The following GRIK4 variants were observed in gnomAD, a reference collection of about 807,000 sequenced individuals.
GRIK4 encodes the protein glutamate receptor ionotropic, kainate 4.
Under a neutral mutation model 104.9 loss-of-function variants are expected in GRIK4, and 40 were observed. That is an observed-to-expected ratio of 0.38 (90% CI 0.30 to 0.50). The LOEUF (loss-of-function observed/expected upper bound fraction) is 0.50. Among genes scored for constraint, GRIK4 ranks in the 20% least tolerant of loss-of-function variants. GRIK4 has a pLI of 0.93. For synonymous variants in GRIK4, 485 were observed against 524.9 expected, an observed-to-expected ratio of 0.92 and a Z score of 1.04; for missense variants, 1,047 against 1,308.1, an observed-to-expected ratio of 0.80 and a Z score of 3.08.
At chr11:120,683,228 G>T (rs35407634) in intron 3 of GRIK4, among the ~76,000 whole-genome samples, 47,714 of 151,790 alleles carry the variant, frequency 0.31, 8,201 homozygotes, top group East Asian at 0.39. Context: ...GATGATGTTG[G>T]CTTGGAGGGT....
At chr11:120,929,445 A>G (rs1943433159) in intron 13 of GRIK4, among the ~76,000 whole-genome samples, 1 of 152,034 alleles carries the variant, frequency 6.6e-6, no homozygotes, top group African/African-American at 2.4e-5. Context: ...TGGGCATCTC[A>G]ATAGGTGCGG....
chr11:120,813,591 A>G (rs1952872817), intron 4 of GRIK4, among the ~76,000 whole-genome samples: 2 of 152,188 alleles, frequency 1.3e-5, no homozygotes, highest in South Asian at 4.1e-4. Context: ...AGAAGACTCC[A>G]AGATCTATAG....
chr11:120,538,165 G>A (rs1475134264), intron 1 of GRIK4, among the ~76,000 whole-genome samples: 10 of 152,222 alleles, frequency 6.6e-5, no homozygotes, highest in East Asian at 3.8e-4. Flanking sequence ...GGAGCGGCAC[G>A]CATCCCATCC....
intron 1 of GRIK4, among the ~76,000 whole-genome samples, chr11:120,533,216 G>A (rs919871801): frequency 6.6e-6 from 1 of 152,188 alleles, no homozygotes; most frequent in African/African-American, 2.4e-5. Context: ...AGAGGGAAAA[G>A]CACATGTCAC....
chr11:120,912,520 C>T (rs1056644866), intron 13 of GRIK4, among the ~76,000 whole-genome samples: 2 of 152,194 alleles, frequency 1.3e-5, no homozygotes, highest in African/African-American at 4.8e-5. Context: ...TACAGAAGAA[C>T]ATTTCCCAGG....
At chr11:120,564,153 G>T (rs937776034) in intron 1 of GRIK4, among the ~76,000 whole-genome samples, 3 of 152,222 alleles carry the variant, frequency 2.0e-5, no homozygotes, top group African/African-American at 4.8e-5. Context: ...GCCCCAGCCA[G>T]CTCCCTCTCC....
chr11:120,983,260 A>G (rs1944682544), intron 20 of GRIK4, among the ~76,000 whole-genome samples: 1 of 152,146 alleles, frequency 6.6e-6, no homozygotes, highest in Non-Finnish European at 1.5e-5. Context: ...TTTCAAAATA[A>G]TAGGAAGATT....
At chr11:120,585,133 T>C (rs1449932444) in intron 1 of GRIK4, among the ~76,000 whole-genome samples, 2 of 152,218 alleles carry the variant, frequency 1.3e-5, no homozygotes, top group African/African-American at 4.8e-5. Flanking sequence ...TCAGTAAGAC[T>C]TTCCGTCTTT....
At chr11:120,868,940 T>G (rs534473839) in intron 9 of GRIK4, 1 of 152,296 alleles carries the variant, frequency 6.6e-6, no homozygotes, top group Non-Finnish European at 1.5e-5. Flanking sequence ...CCCCAAATGC[T>G]TTCCAGAGCT....
chr11:120,558,802 G>A (rs2136100744), intron 1 of GRIK4, among the ~76,000 whole-genome samples: 1 of 152,330 alleles, frequency 6.6e-6, no homozygotes, highest in Middle Eastern at 3.4e-3. Flanking sequence ...CACACTGAAC[G>A]TGAGCAAGAG....
chr11:120,874,030 A>C (rs868048407), intron 9 of GRIK4, 36 bp from the exon 10 acceptor site: 5 of 1,562,104 alleles, frequency 3.2e-6, no homozygotes, highest in Middle Eastern at 1.7e-4. Context: ...TACACCTCTC[A>C]CTCCCTCCCT....
rs1299612544 is a variant in GRIK4, at chr11:120,956,496, C to A, written c.1701-284C>A. On this transcript the variant is annotated intron_variant, in intron 15 of 20. Coordinates refer to ENST00000527524, the MANE Select transcript of GRIK4 (RefSeq NM_014619.5). This position sits in a 1 kb window ranked among gnomAD's most constrained non-coding sequence, Gnocchi z 4.6. ...CTGGGATTACAGGCATGAGCCACCGCACCTGGCCATCCTCTATTCTGTATT... is the reference window on the plus strand; with the variant it reads ...CTGGGATTACAGGCATGAGCCACCGAACCTGGCCATCCTCTATTCTGTATT... Among the ~76,000 whole-genome samples, 1 of 152,148 alleles carries A rather than the reference C, an allele frequency of 6.6e-6. No individual in the cohort carries two copies. Among genetic ancestry groups the A allele is most frequent in the Non-Finnish European group, 1.5e-5 (1 of 68,024 alleles).
intron 1 of GRIK4, among the ~76,000 whole-genome samples, chr11:120,622,692 G>A (rs1033711803): frequency 3.3e-5 from 5 of 152,188 alleles, no homozygotes; most frequent in Non-Finnish European, 7.3e-5. Flanking sequence ...CACAATTCTG[G>A]AGGCCAGAAG....
rs1027546772 is a variant in GRIK4, at chr11:120,822,457, G to A, written c.511+2537G>A. ...GTGAATCACAGTCCAGTGCACCATC[G>A]TCATTACACCTGTATTTATCAAATG... On this transcript the variant is annotated intron_variant, in intron 6 of 20. Coordinates refer to ENST00000527524, the MANE Select transcript of GRIK4 (RefSeq NM_014619.5). 9.2e-5 allele frequency among the ~76,000 whole-genome samples: 14 copies of A among 152,268 alleles called. No individual in the cohort carries two copies. In the East Asian group the frequency reaches 1.2e-3, roughly 13 times the overall value.
intron 20 of GRIK4, among the ~76,000 whole-genome samples, chr11:120,983,415 G>A (rs1944685257): frequency 6.6e-6 from 1 of 152,182 alleles, no homozygotes; most frequent in Admixed American, 6.5e-5. Flanking sequence ...AAAGGCCGAT[G>A]CTTAAAGGTC....
At chr11:120,545,679 A>G (rs1169363056) in intron 1 of GRIK4, among the ~76,000 whole-genome samples, 2 of 152,246 alleles carry the variant, frequency 1.3e-5, no homozygotes, top group Non-Finnish European at 2.9e-5. Flanking sequence ...GTGTGAAACA[A>G]CAGTGGCAAT....
chr11:120,534,048 C>T (rs1475594284), intron 1 of GRIK4, among the ~76,000 whole-genome samples: 1 of 152,142 alleles, frequency 6.6e-6, no homozygotes, highest in African/African-American at 2.4e-5. Flanking sequence ...GGCACGAAGG[C>T]ACCTGCTGAG....
intron 3 of GRIK4, among the ~76,000 whole-genome samples, chr11:120,774,394 A>C (rs1005113781): frequency 1.3e-5 from 2 of 152,178 alleles, no homozygotes; most frequent in Non-Finnish European, 2.9e-5. Context: ...ATTGGCTCAC[A>C]TGGTTATGGA....
intron 3 of GRIK4, among the ~76,000 whole-genome samples, chr11:120,719,490 C>T (rs60900024): frequency 0.035 from 5,389 of 152,206 alleles, 349 homozygotes; most frequent in African/African-American, 0.12. Context: ...CTGAGTGCTC[C>T]TCTTCTGGTA....
Sources: gnomAD v4.1 joint callset for allele counts (sites outside exome capture counted in the v4.1 genomes callset) on GRCh38, gnomAD v4.1.1 for gene constraint, Gnocchi (gnomAD v3.1) non-coding constraint, MANE v1.5 for transcripts, NCBI Gene and HGNC (gene_info 2026-07-23, HGNC 2026-07-21) for gene names.